Variants in TIMM23B observed in about 807,000 individuals in gnomAD.
The protein encoded by TIMM23B is mitochondrial import inner membrane translocase subunit Tim23B.
A neutral mutation model predicts 27.3 loss-of-function variants in TIMM23B; 27 were observed. The observed-to-expected ratio is 0.99, with a 90% confidence interval of 0.73 to 1.36. The LOEUF (loss-of-function observed/expected upper bound fraction) is 1.36, where lower values mean the gene tolerates loss of function less well. TIMM23B is among the 40% of genes most tolerant of loss of function. The pLI, the probability that TIMM23B is intolerant of heterozygous loss-of-function variation, is 0.00. For synonymous variants in TIMM23B, 73 were observed against 92.4 expected, an observed-to-expected ratio of 0.79 and a Z score of 1.21; for missense variants, 205 against 244.2, an observed-to-expected ratio of 0.84 and a Z score of 1.07.
chr10:49,958,792 A>C (rs2133079421), intron 6 of TIMM23B, among the ~76,000 whole-genome samples: 1 of 152,330 alleles, frequency 6.6e-6, no homozygotes, highest in Admixed American at 6.5e-5. Context: ...AGCTCCTGAT[A>C]ATGTTACACT....
At chr10:49,942,989 C>G (rs1448207188) in intron 1 of TIMM23B, among the ~76,000 whole-genome samples, 10 of 152,162 alleles carry the variant, frequency 6.6e-5, no homozygotes, top group Non-Finnish European at 1.2e-4. Flanking sequence ...ATAAATAGAA[C>G]TTGGACCTAA....
At chr10:49,957,339 T>C (rs1839758480) in intron 5 of TIMM23B, among the ~76,000 whole-genome samples, 2 of 151,306 alleles carry the variant, frequency 1.3e-5, no homozygotes, top group African/African-American at 4.9e-5. Context: ...CCTAGACTTC[T>C]GGGCTTAAGC....
chr10:49,943,303 A>G (rs2133040888), intron 1 of TIMM23B: 1 of 151,672 alleles, frequency 6.6e-6, no homozygotes, highest in East Asian at 1.9e-4. Flanking sequence ...GAAGCCTGGC[A>G]CTCCTGAGCT....
chr10:49,948,957 A>T (rs2133056222), intron 2 of TIMM23B, among the ~76,000 whole-genome samples: 1 of 152,240 alleles, frequency 6.6e-6, no homozygotes, highest in Admixed American at 6.5e-5. Context: ...GCAGCATCAT[A>T]GCTCACTGTA....
intron 6 of TIMM23B, among the ~76,000 whole-genome samples, chr10:49,963,292 C>T (rs1376823047): frequency 3.3e-5 from 5 of 151,448 alleles, no homozygotes; most frequent in East Asian, 3.9e-4. Context: ...GTCTCTGTCT[C>T]GAAATGAAAT....
At chr10:49,945,512 C>T (rs1420963469) in intron 2 of TIMM23B, among the ~76,000 whole-genome samples, 3 of 152,160 alleles carry the variant, frequency 2.0e-5, no homozygotes, top group African/African-American at 7.2e-5. Context: ...TCCCGAGTAG[C>T]TGGGACTACA....
At position 49,973,103 on chromosome 10, in the gene TIMM23B, A is replaced by T. The variant is rs1840523384; in HGVS notation, c.*39A>T. The T allele has an allele frequency of 6.6e-7, 1 of 1,522,264 alleles. No homozygotes were observed. Among genetic ancestry groups the T allele is most frequent in the Non-Finnish European group, 8.8e-7 (1 of 1,136,928 alleles). The allele number at this position is 1,522,264 out of a possible 1,614,324, so 94.3% of individuals were successfully genotyped here. A position where few individuals can be genotyped will look rare whatever the true frequency, so the allele number is the denominator to read the frequency against. ...GGTGTGTGTCAATCCCAACTGGTGA[A>T]GTACTGAGAAGAAGCTACACAAAAG... is the stretch of plus-strand genomic sequence containing the variant. On this transcript the variant is annotated 3_prime_UTR_variant, in exon 7 of 7. Coordinates refer to ENST00000651259, the MANE Select transcript of TIMM23B (RefSeq NM_001290117.2).
At chr10:49,953,184 A>G (rs1415666275) in intron 4 of TIMM23B, among the ~76,000 whole-genome samples, 2 of 151,860 alleles carry the variant, frequency 1.3e-5, no homozygotes, top group Non-Finnish European at 2.9e-5. Context: ...AGTTTTGCCC[A>G]TTTTTATGCT....
intron 2 of TIMM23B, 51 bp downstream of exon 2, chr10:49,945,141 A>C: frequency 6.3e-7 from 1 of 1,597,046 alleles, no homozygotes; most frequent in Middle Eastern, 1.7e-4. Flanking sequence ...ATTTTTAAAA[A>C]AACGCCAAGT....
At chr10:49,944,448 T>C (rs1202421993) in intron 1 of TIMM23B, among the ~76,000 whole-genome samples, 1 of 152,006 alleles carries the variant, frequency 6.6e-6, no homozygotes, top group South Asian at 2.1e-4. Context: ...CTGTTTTCAA[T>C]GTTAGTGAAT....
At chr10:49,971,160 A>AT (rs1245281543) in intron 6 of TIMM23B, among the ~76,000 whole-genome samples, 1 of 152,048 alleles carries the variant, frequency 6.6e-6, no homozygotes, top group Non-Finnish European at 1.5e-5. Context: ...ACCGCTCCCT[A>AT]ATCTCAAGTA....
intron 2 of TIMM23B, among the ~76,000 whole-genome samples, 155 bp from the exon 3 acceptor site, chr10:49,951,971 A>G (rs1214878937): frequency 1.3e-5 from 2 of 152,234 alleles, no homozygotes; most frequent in East Asian, 1.9e-4. Context: ...TTTAGGTGTT[A>G]CTGCTGCAGA....
intron 6 of TIMM23B, 39 bp downstream of exon 6, chr10:49,958,519 T>C (rs1184256802): frequency 1.9e-6 from 3 of 1,595,606 alleles, no homozygotes; most frequent in East Asian, 2.2e-5. Flanking sequence ...CTTAATATAC[T>C]TGAAGTGCGC....
At chr10:49,970,809 G>A (rs575804539) in intron 6 of TIMM23B, among the ~76,000 whole-genome samples, 1,590 of 152,276 alleles carry the variant, frequency 0.01, 52 homozygotes, top group East Asian at 0.098. Context: ...CTGCCCGGCC[G>A]CCACCCCATC....
intron 1 of TIMM23B, among the ~76,000 whole-genome samples, chr10:49,944,572 T>C (rs1243020739): frequency 6.6e-6 from 1 of 151,956 alleles, no homozygotes; most frequent in Non-Finnish European, 1.5e-5. Context: ...AATAGTAATA[T>C]GTGAAGGAAC....
rs1285978656 is a variant in TIMM23B at position 49,942,075 on chromosome 10, G to A, written c.-120G>A. ...CTTAACGGGAACCGGCGCCCGGAAT[G>A]TCAGCGTGTGAAGTAGGCGCTGGCA... On this transcript the variant is annotated 5_prime_UTR_variant, in exon 1 of 7. An upstream start codon of the reference 5' UTR is lost. Transcript: ENST00000651259. The A allele has an allele frequency of 1.5e-6, 2 of 1,306,426 alleles. No homozygotes were observed. The highest frequency in any genetic ancestry group is 1.5e-5 in the South Asian group (1 of 66,760). The allele number at this position is 1,306,426 out of a possible 1,614,324, so 80.9% of individuals were successfully genotyped here.
intron 6 of TIMM23B, among the ~76,000 whole-genome samples, chr10:49,970,923 T>C (rs1840414844): frequency 6.6e-6 from 1 of 152,096 alleles, no homozygotes. Flanking sequence ...AGAAATCGGA[T>C]TGTTGCTGTG....
chr10:49,953,493 A>G (rs1321706672), intron 4 of TIMM23B, among the ~76,000 whole-genome samples: 5 of 152,208 alleles, frequency 3.3e-5, no homozygotes, highest in African/African-American at 7.2e-5. Context: ...CTACAGGCAC[A>G]TGCCACCATG....
chr10:49,957,767 T>G (rs1839774459), intron 5 of TIMM23B, among the ~76,000 whole-genome samples: 1 of 152,102 alleles, frequency 6.6e-6, no homozygotes, highest in Admixed American at 6.5e-5. Context: ...GGGCCTCATG[T>G]GGAAAATTGA....
Sources: allele counts gnomAD v4.1 joint callset (sites outside exome capture counted in the v4.1 genomes callset), GRCh38; gene constraint gnomAD v4.1.1; transcripts MANE v1.5; gene names NCBI Gene and HGNC (gene_info 2026-07-23, HGNC 2026-07-21).